SLCO3A1: variants seen among roughly 807,000 people sequenced by gnomAD.
SLCO3A1 encodes PGE1 transporter.
SLCO3A1 carries 27 observed loss-of-function variants against 63.1 expected under a neutral mutation model. The observed-to-expected ratio is 0.43, with a 90% confidence interval of 0.32 to 0.59. The LOEUF (loss-of-function observed/expected upper bound fraction) is 0.59, where lower values mean the gene tolerates loss of function less well. Ranked by LOEUF, SLCO3A1 falls within the 20% of genes least tolerant of loss-of-function variation. The pLI, the probability that SLCO3A1 is intolerant of heterozygous loss-of-function variation, is 0.09. For synonymous variants in SLCO3A1, 473 were observed against 409.9 expected, an observed-to-expected ratio of 1.15 and a Z score of -1.86; for missense variants, 773 against 945.8, an observed-to-expected ratio of 0.82 and a Z score of 2.40.
At position 91,853,896 on chromosome 15, in the gene SLCO3A1, C is replaced by A. The variant is rs1197848316; in HGVS notation, c.-13C>A. 2.0e-4 allele frequency: 275 copies of A among 1,347,188 alleles called. No homozygotes were observed. Among genetic ancestry groups the A allele is most frequent in the Non-Finnish European group, 2.5e-4 (262 of 1,044,230 alleles). 83.5% of individuals were successfully genotyped at this position (1,347,188 alleles called of 1,614,324 possible). ...GCGGCAGCGGCGGCGGCGGCGGCGGCGGCGGGGGAAGGATGCAGGGGAAGA... is the reference window on the plus strand; with the variant it reads ...GCGGCAGCGGCGGCGGCGGCGGCGGAGGCGGGGGAAGGATGCAGGGGAAGA... On this transcript the variant is annotated 5_prime_UTR_variant, in exon 1 of 10. Coordinates refer to ENST00000318445, the MANE Select transcript of SLCO3A1 (RefSeq NM_013272.4).
intron 1 of SLCO3A1, among the ~76,000 whole-genome samples, chr15:91,913,681 C>T (rs767538528): frequency 1.3e-5 from 2 of 152,136 alleles, no homozygotes; most frequent in Non-Finnish European, 2.9e-5. Flanking sequence ...CATAGATACA[C>T]GTATCTGGAC....
intron 2 of SLCO3A1, among the ~76,000 whole-genome samples, chr15:91,976,016 G>A (rs1901094715): frequency 6.6e-6 from 1 of 152,224 alleles, no homozygotes; most frequent in African/African-American, 2.4e-5. Flanking sequence ...GAGGCAGTGT[G>A]TGTAGAGGTG....
intron 1 of SLCO3A1, among the ~76,000 whole-genome samples, chr15:91,871,749 ATTTTGTTTTTTTTTGGTTTTTT>A (rs1451116105): frequency 1.1e-4 from 3 of 26,450 alleles, no homozygotes; most frequent in African/African-American, 2.1e-4. Context: ...GGGTGTGCTC[ATTTTGTTTTTTTTTGGTTTTTT>A]TTTTTTTTTT....
chr15:92,115,505 C>A (rs1245892322), intron 4 of SLCO3A1, among the ~76,000 whole-genome samples: 2 of 152,032 alleles, frequency 1.3e-5, no homozygotes, highest in Non-Finnish European at 2.9e-5. Context: ...TATTATTATT[C>A]TTACTGAGCT....
intron 2 of SLCO3A1, among the ~76,000 whole-genome samples, chr15:92,019,983 G>C (rs1406887199): frequency 6.6e-6 from 1 of 152,148 alleles, no homozygotes; most frequent in Non-Finnish European, 1.5e-5. Context: ...CCATGTGGGG[G>C]AAGCGACATG....
chr15:92,031,855 T>TTTAC (rs55690257), intron 2 of SLCO3A1, among the ~76,000 whole-genome samples: 67,834 of 151,794 alleles, frequency 0.45, 16,019 homozygotes, highest in South Asian at 0.61. Flanking sequence ...TAAATTACTG[T>TTTAC]TGTAGTTGCC....
intron 3 of SLCO3A1, 46 bp downstream of exon 3, chr15:92,095,025 C>T (rs766839745): frequency 1.5e-6 from 2 of 1,336,284 alleles, no homozygotes; most frequent in Non-Finnish European, 2.2e-6. Context: ...CAAGCGTTTC[C>T]TCCCTCATAA....
At chr15:92,035,080 A>G (rs974657223) in intron 2 of SLCO3A1, among the ~76,000 whole-genome samples, 3 of 151,896 alleles carry the variant, frequency 2.0e-5, no homozygotes, top group African/African-American at 7.2e-5. Flanking sequence ...GCTCCCAGGT[A>G]CATGGGTTTT....
intron 4 of SLCO3A1, among the ~76,000 whole-genome samples, chr15:92,107,065 A>G (rs942940268): frequency 9.2e-5 from 14 of 152,256 alleles, no homozygotes; most frequent in African/African-American, 3.4e-4. Flanking sequence ...AAGGTAAGCA[A>G]GCACTGGATG....
chr15:92,130,170 TA>T (rs796393609), intron 7 of SLCO3A1, among the ~76,000 whole-genome samples: 5 of 152,336 alleles, frequency 3.3e-5, no homozygotes, highest in African/African-American at 9.6e-5. Context: ...AAAATTATCT[TA>T]AAAATTGCAT....
chr15:92,124,726 T>G (rs951971853), intron 5 of SLCO3A1, among the ~76,000 whole-genome samples: 9 of 151,914 alleles, frequency 5.9e-5, no homozygotes, highest in African/African-American at 2.2e-4. Flanking sequence ...ATGAAAACAG[T>G]ATGGAATCTC....
Position 92,033,302 on chromosome 15 carries a change from T to C in SLCO3A1, c.647-61579T>C, listed in dbSNP as rs952456616. 2.0e-5 allele frequency among the ~76,000 whole-genome samples: 3 copies of C among 152,334 alleles called. No homozygotes were observed. The highest frequency in any genetic ancestry group is 1.9e-4 in the East Asian group (1 of 5,192). ...GCAAGTGTGGAAATGGACACGGATG[T>C]CCTCTTAGTATTTCTGCCCTTTGGA... On this transcript the variant is annotated intron_variant, in intron 2 of 9. Coordinates refer to ENST00000318445, the MANE Select transcript of SLCO3A1 (RefSeq NM_013272.4). This position sits in a 1 kb window ranked among gnomAD's most constrained non-coding sequence, Gnocchi z 4.5.
At chr15:91,981,244 G>T (rs2045980406) in intron 2 of SLCO3A1, among the ~76,000 whole-genome samples, 1 of 152,104 alleles carries the variant, frequency 6.6e-6, no homozygotes, top group East Asian at 1.9e-4. Flanking sequence ...CCAGCCAGGG[G>T]CTCCCATTTC....
chr15:91,987,742 T>TAAAA (rs35508138), intron 2 of SLCO3A1, among the ~76,000 whole-genome samples: 5 of 138,496 alleles, frequency 3.6e-5, no homozygotes, highest in African/African-American at 5.4e-5. Flanking sequence ...AGACTTTGTC[T>TAAAA]AAAAAAAAAA....
At chr15:91,982,389 G>C (rs563637981) in intron 2 of SLCO3A1, among the ~76,000 whole-genome samples, 1 of 152,228 alleles carries the variant, frequency 6.6e-6, no homozygotes, top group Non-Finnish European at 1.5e-5. Context: ...AGTTTCTTTC[G>C]ACAAATCTGC....
chr15:91,985,286 G>C (rs1326041425), intron 2 of SLCO3A1, among the ~76,000 whole-genome samples: 1 of 152,200 alleles, frequency 6.6e-6, no homozygotes, highest in Non-Finnish European at 1.5e-5. Flanking sequence ...ATTGATCCAT[G>C]TTGTCACATG....
Position 92,103,059 on chromosome 15 carries a change from C to T in SLCO3A1, c.746-1220C>T, listed in dbSNP as rs564285802. Among the ~76,000 whole-genome samples, 5 of 152,308 alleles carry T rather than the reference C, an allele frequency of 3.3e-5. No homozygotes were observed. In the East Asian group the frequency reaches 5.8e-4, roughly 18 times the overall value. ...TGGTGCAGAGGAAGCCCTCAATAAA[C>T]GATGGCTGGCCTTATCATTAATGCT... On this transcript the variant is annotated intron_variant, in intron 3 of 9. Transcript: ENST00000318445.
chr15:92,105,197 A>AATG (rs1001305554), intron 4 of SLCO3A1, among the ~76,000 whole-genome samples: 2 of 152,062 alleles, frequency 1.3e-5, no homozygotes, highest in African/African-American at 4.8e-5. Context: ...TCCTGGGTTC[A>AATG]AGCTCACCAG....
intron 1 of SLCO3A1, among the ~76,000 whole-genome samples, chr15:91,868,070 G>A (rs1897208812): frequency 6.6e-6 from 1 of 151,948 alleles, no homozygotes; most frequent in South Asian, 2.1e-4. Context: ...TTTTTTTGAG[G>A]GGATGGAGTC....
Sources: allele counts gnomAD v4.1 joint callset (sites outside exome capture counted in the v4.1 genomes callset), GRCh38; gene constraint gnomAD v4.1.1; non-coding constraint Gnocchi (gnomAD v3.1); transcripts MANE v1.5; gene names NCBI Gene and HGNC (gene_info 2026-07-23, HGNC 2026-07-21).